TRAPPC9: variants seen among roughly 807,000 people sequenced by gnomAD.
TRAPPC9 encodes trafficking protein particle complex subunit 9.
Under a neutral mutation model 124.0 loss-of-function variants are expected in TRAPPC9, and 83 were observed. The observed-to-expected ratio is 0.67, with a 90% CI of 0.56 to 0.80. The LOEUF (loss-of-function observed/expected upper bound fraction) is 0.80, where lower values mean the gene tolerates loss of function less well. TRAPPC9 is among the 30% of genes least tolerant of loss of function. The pLI is 0.00. For synonymous variants in TRAPPC9, 638 were observed against 617.5 expected (o/e 1.03, Z -0.49); for missense variants, 1,302 against 1,508.3 (o/e 0.86, Z 2.27).
intron 14 of TRAPPC9, among the ~76,000 whole-genome samples, chr8:140,279,936 C>T (rs1016945529): frequency 1.3e-5 from 2 of 152,248 alleles, no homozygotes; most frequent in East Asian, 1.9e-4. Context: ...AGCGTTTCTT[C>T]GCCTTAAGCC....
chr8:140,012,549 C>A (rs572584124), intron 18 of TRAPPC9, among the ~76,000 whole-genome samples: 1 of 152,376 alleles, frequency 6.6e-6, no homozygotes, highest in East Asian at 1.9e-4. Context: ...TATAAAGATT[C>A]TGTAACTTGC....
intron 19 of TRAPPC9, among the ~76,000 whole-genome samples, chr8:139,936,034 AG>A (rs1389788223): frequency 6.6e-6 from 1 of 152,246 alleles, no homozygotes; most frequent in African/African-American, 2.4e-5. Context: ...ACCTGGTGCG[AG>A]CACAGGCCTG....
At chr8:140,175,001 A>ATTT (rs35949640) in intron 17 of TRAPPC9, among the ~76,000 whole-genome samples, 7 of 141,002 alleles carry the variant, frequency 5.0e-5, no homozygotes, top group Non-Finnish European at 7.6e-5. Context: ...GCACCTGGGG[A>ATTT]TTTTTTTTTT....
intron 19 of TRAPPC9, chr8:139,931,745 G>A (rs1015940006): frequency 2.5e-5 from 4 of 161,864 alleles, no homozygotes; most frequent in African/African-American, 9.6e-5. Flanking sequence ...TAAGTCTGAG[G>A]CTCTGACCAT....
At chr8:139,735,061 C>T (rs1818069623) in intron 21 of TRAPPC9, among the ~76,000 whole-genome samples, 1 of 152,214 alleles carries the variant, frequency 6.6e-6, no homozygotes, top group South Asian at 2.1e-4. Context: ...TGAGTACTTC[C>T]AGCAGTGCCT....
chr8:140,181,600 T>C (rs1350903395), intron 17 of TRAPPC9, among the ~76,000 whole-genome samples: 1 of 152,188 alleles, frequency 6.6e-6, no homozygotes, highest in Non-Finnish European at 1.5e-5. Flanking sequence ...CGTCACTATA[T>C]ATTTTTTATT....
chr8:139,966,999 C>T (rs1419189281), intron 19 of TRAPPC9, among the ~76,000 whole-genome samples: 2 of 152,174 alleles, frequency 1.3e-5, no homozygotes. Context: ...AAAAAGTCAA[C>T]GTAAAGACGA....
chr8:140,139,452 G>C (rs190011429), intron 17 of TRAPPC9, among the ~76,000 whole-genome samples: 71 of 152,286 alleles, frequency 4.7e-4, no homozygotes, highest in Non-Finnish European at 8.2e-4. Context: ...AGAACGATGT[G>C]AATACGTGCA....
chr8:139,877,803 C>G (rs1339753417), intron 21 of TRAPPC9, among the ~76,000 whole-genome samples: 1 of 152,214 alleles, frequency 6.6e-6, no homozygotes, highest in Non-Finnish European at 1.5e-5. Context: ...CAAACCTCCA[C>G]TAAGTATCTT....
At chr8:140,359,094 T>TGGGACACGTCTGC (rs2067848830) in intron 9 of TRAPPC9, among the ~76,000 whole-genome samples, 1 of 152,062 alleles carries the variant, frequency 6.6e-6, no homozygotes. Flanking sequence ...CAGAACAACA[T>TGGGACACGTCTGC]GGGACACGTC....
rs559206521 is a variant in TRAPPC9, at chr8:140,281,267, C to A, written c.2114+2622G>T. Among the ~76,000 whole-genome samples the A allele has an allele frequency of 2.6e-5, 4 of 152,348 alleles. No individual in the cohort carries two copies. The East Asian group carries it at 5.8e-4, about 22-fold the overall frequency. ...GCATCCCCATCGGCCTCGCACGAGG[C>A]GTCCAGCTTCTCCGAAACCTTGCAG... On this transcript the variant is annotated intron_variant, in intron 14 of 22. Coordinates refer to ENST00000438773, the MANE Select transcript of TRAPPC9 (RefSeq NM_001160372.4).
chr8:139,875,300 T>G (rs1160074499), intron 21 of TRAPPC9, among the ~76,000 whole-genome samples: 1 of 151,962 alleles, frequency 6.6e-6, no homozygotes, highest in Non-Finnish European at 1.5e-5. Flanking sequence ...CCCGTCCACA[T>G]GAGGGATGTC....
chr8:139,903,918 T>C (rs1233197491), intron 20 of TRAPPC9, among the ~76,000 whole-genome samples: 2 of 152,152 alleles, frequency 1.3e-5, no homozygotes, highest in Non-Finnish European at 2.9e-5. Context: ...GGCAGGTGCC[T>C]GTAGTCCCAG....
chr8:139,759,430 C>T (rs1820077135), intron 21 of TRAPPC9, among the ~76,000 whole-genome samples: 1 of 152,308 alleles, frequency 6.6e-6, no homozygotes, highest in African/African-American at 2.4e-5. Flanking sequence ...GAGGAGGCAC[C>T]TTGGCCAGGC....
chr8:140,061,655 C>G (rs1018063847), intron 17 of TRAPPC9, among the ~76,000 whole-genome samples: 1 of 152,060 alleles, frequency 6.6e-6, no homozygotes, highest in African/African-American at 2.4e-5. Flanking sequence ...TGTAGACAGG[C>G]GAATGAAGTG....
At chr8:140,024,937 A>T (rs13253400) in intron 17 of TRAPPC9, among the ~76,000 whole-genome samples, 70,408 of 151,906 alleles carry the variant, frequency 0.46, 16,932 homozygotes, top group Middle Eastern at 0.63. Flanking sequence ...ATCCAAGAGA[A>T]GACTTCCCAG....
intron 9 of TRAPPC9, among the ~76,000 whole-genome samples, chr8:140,349,346 G>A (rs145650075): frequency 0.099 from 9,421 of 95,258 alleles, 692 homozygotes; most frequent in Middle Eastern, 0.19. Context: ...GGGCCGAAGG[G>A]GGCGCGCGAG....
At chr8:139,768,427 G>T (rs944083062) in intron 21 of TRAPPC9, among the ~76,000 whole-genome samples, 10 of 152,298 alleles carry the variant, frequency 6.6e-5, no homozygotes, top group African/African-American at 2.4e-4. Context: ...GGTGGGCCAG[G>T]CCCTGCGGGC....
At chr8:139,979,575 G>T (rs545087783) in intron 19 of TRAPPC9, among the ~76,000 whole-genome samples, 1 of 152,288 alleles carries the variant, frequency 6.6e-6, no homozygotes, top group East Asian at 1.9e-4. Flanking sequence ...GTGAGAGGAG[G>T]GGACAGGCAC....
Sources: allele counts gnomAD v4.1 joint callset (sites outside exome capture counted in the v4.1 genomes callset), GRCh38; gene constraint gnomAD v4.1.1; transcripts MANE v1.5; gene names NCBI Gene and HGNC (gene_info 2026-07-23, HGNC 2026-07-21).